The following CNTNAP5 variants were observed in gnomAD, a reference collection of about 807,000 sequenced individuals.
CNTNAP5 encodes contactin-associated protein-like 5.
CNTNAP5 carries 72 observed loss-of-function variants against 150.2 expected under a neutral mutation model. That is an observed-to-expected ratio of 0.48 (90% confidence interval 0.40 to 0.58). The LOEUF is 0.58. Among genes scored for constraint, CNTNAP5 ranks in the 20% least tolerant of loss-of-function variants. CNTNAP5 has a pLI of 0.00. For synonymous variants in CNTNAP5, 672 were observed against 619.8 expected, an observed-to-expected ratio of 1.08 and a Z score of -1.25; for missense variants, 1,636 against 1,626.2, an observed-to-expected ratio of 1.01 and a Z score of -0.10.
intron 3 of CNTNAP5, among the ~76,000 whole-genome samples, chr2:124,258,001 C>T (rs145655707): frequency 2.9e-4 from 44 of 152,216 alleles, no homozygotes; most frequent in African/African-American, 9.6e-4. Flanking sequence ...GATTATCTTT[C>T]GCCCGTCACT....
At chr2:124,331,348 T>C (rs936892603) in intron 3 of CNTNAP5, among the ~76,000 whole-genome samples, 5 of 152,066 alleles carry the variant, frequency 3.3e-5, no homozygotes, top group African/African-American at 1.2e-4. Flanking sequence ...TACCATGACA[T>C]ATCAGATATT....
At chr2:124,220,274 T>G (rs1686270550) in intron 1 of CNTNAP5, among the ~76,000 whole-genome samples, 1 of 152,118 alleles carries the variant, frequency 6.6e-6, no homozygotes, top group African/African-American at 2.4e-5. Context: ...AAGTCATTGT[T>G]CAATGTCCTA....
At chr2:124,226,930 T>A (rs535563507) in intron 2 of CNTNAP5, among the ~76,000 whole-genome samples, 1 of 152,094 alleles carries the variant, frequency 6.6e-6, no homozygotes, top group South Asian at 2.1e-4. Flanking sequence ...AACCCATCAA[T>A]CCATTAAACC....
At chr2:124,095,743 GA>G (rs1480461861) in intron 1 of CNTNAP5, among the ~76,000 whole-genome samples, 1 of 151,960 alleles carries the variant, frequency 6.6e-6, no homozygotes, top group African/African-American at 2.4e-5. Context: ...AAATTGCCTT[GA>G]TTTTTTGATT....
intron 13 of CNTNAP5, among the ~76,000 whole-genome samples, chr2:124,729,731 CAAGAT>C (rs1466724181): frequency 6.6e-6 from 1 of 152,020 alleles, no homozygotes; most frequent in Non-Finnish European, 1.5e-5. Context: ...ACCAGATACT[CAAGAT>C]AAAATAACCA....
intron 14 of CNTNAP5, among the ~76,000 whole-genome samples, chr2:124,748,430 G>A (rs1294539906): frequency 6.6e-6 from 1 of 152,072 alleles, no homozygotes; most frequent in African/African-American, 2.4e-5. Context: ...CAGGTGAACT[G>A]CTAGTTTTTT....
chr2:124,592,203 C>A (rs1394945828), intron 11 of CNTNAP5, among the ~76,000 whole-genome samples: 1 of 152,002 alleles, frequency 6.6e-6, no homozygotes, highest in African/African-American at 2.4e-5. Flanking sequence ...CTTTTTTCCC[C>A]CATTTTTTAC....
At chr2:124,396,344 G>C (rs148408806) in intron 3 of CNTNAP5, among the ~76,000 whole-genome samples, 24 of 152,122 alleles carry the variant, frequency 1.6e-4, no homozygotes, top group Non-Finnish European at 2.6e-4. Flanking sequence ...CCCTGCATTC[G>C]ATATGGGGCA....
intron 6 of CNTNAP5, among the ~76,000 whole-genome samples, chr2:124,461,609 A>G (rs1267096349): frequency 1.3e-5 from 2 of 151,830 alleles, no homozygotes; most frequent in Non-Finnish European, 2.9e-5. Flanking sequence ...GCACACCAGC[A>G]TGGCACATGT....
At chr2:124,064,614 T>G (rs1682106399) in intron 1 of CNTNAP5, among the ~76,000 whole-genome samples, 1 of 152,168 alleles carries the variant, frequency 6.6e-6, no homozygotes, top group Non-Finnish European at 1.5e-5. Context: ...ACAGAGCATC[T>G]TTAATGGTAG....
chr2:124,656,846 C>T (rs1349048484), intron 13 of CNTNAP5, among the ~76,000 whole-genome samples: 1 of 152,126 alleles, frequency 6.6e-6, no homozygotes, highest in East Asian at 1.9e-4. Flanking sequence ...ATACAATGTT[C>T]TAATATTAAG....
chr2:124,654,801 A>G (rs1002541146), intron 13 of CNTNAP5, among the ~76,000 whole-genome samples: 2 of 151,902 alleles, frequency 1.3e-5, no homozygotes, highest in Admixed American at 1.3e-4. Context: ...ACGCCTAAAC[A>G]TACACAAATA....
At chr2:124,559,654 G>A (rs1056430663) in intron 10 of CNTNAP5, among the ~76,000 whole-genome samples, 4 of 152,186 alleles carry the variant, frequency 2.6e-5, no homozygotes, top group Non-Finnish European at 5.9e-5. Flanking sequence ...CCAGTTCTAT[G>A]ATGGGTCTTT....
chr2:124,692,962 T>C lies in CNTNAP5; in HGVS notation c.2077+45004T>C, dbSNP rs374619754. On this transcript the variant is annotated intron_variant, in intron 13 of 23. Coordinates refer to ENST00000682447, the MANE Select transcript of CNTNAP5 (RefSeq NM_001367498.1). The stretch of plus-strand genomic sequence containing the variant: ...CCCAAAGGGCACATCCATCTGTTCT[T>C]CAGAAATCAAAGAATTCTTTGTGTT... 7.0e-4 allele frequency among the ~76,000 whole-genome samples: 107 copies of C among 152,232 alleles called. 1 individual carries two copies. The highest frequency in any genetic ancestry group is 2.4e-3 in the African/African-American group (101 of 41,564).
intron 1 of CNTNAP5, among the ~76,000 whole-genome samples, chr2:124,049,074 A>C (rs911270600): frequency 6.6e-6 from 1 of 152,088 alleles, no homozygotes; most frequent in South Asian, 2.1e-4. Flanking sequence ...TCATCTCACG[A>C]CCCAGGCTTG....
At chr2:124,350,125 G>T (rs60854804) in intron 3 of CNTNAP5, among the ~76,000 whole-genome samples, 2 of 151,634 alleles carry the variant, frequency 1.3e-5, no homozygotes, top group Non-Finnish European at 2.9e-5. Context: ...CTCGTGATCC[G>T]CCCGCCTTTG....
At chr2:124,827,325 C>T (rs568504812) in intron 19 of CNTNAP5, among the ~76,000 whole-genome samples, 1 of 152,266 alleles carries the variant, frequency 6.6e-6, no homozygotes, top group Admixed American at 6.5e-5. Flanking sequence ...CAGGGGTTTT[C>T]AGGATGGATT....
intron 3 of CNTNAP5, among the ~76,000 whole-genome samples, chr2:124,336,712 T>C (rs1689482286): frequency 1.3e-5 from 2 of 152,086 alleles, no homozygotes; most frequent in South Asian, 4.2e-4. Flanking sequence ...ACTCATCATT[T>C]TTTATGGCTG....
chr2:124,601,080 T>A lies in CNTNAP5; in HGVS notation c.1757-8721T>A, dbSNP rs77097304. Among the ~76,000 whole-genome samples the A allele has an allele frequency of 3.6e-4, 55 of 152,262 alleles. 1 individual carries two copies. In the East Asian group the frequency reaches 0.01, roughly 28 times the overall value. ...CCTCTTTCCAGTTGTGGACACTTGG[T>A]GATTGCTCCTTCACCACTGAGAGAG... On this transcript the variant is annotated intron_variant, in intron 11 of 23. Transcript: ENST00000682447.
Sources: gnomAD v4.1 joint callset for allele counts (sites outside exome capture counted in the v4.1 genomes callset) on GRCh38, gnomAD v4.1.1 for gene constraint, MANE v1.5 for transcripts, NCBI Gene and HGNC (gene_info 2026-07-23, HGNC 2026-07-21) for gene names.